Variants in FBXL13 observed in about 807,000 individuals in gnomAD.
FBXL13 encodes the protein F-box and leucine-rich repeat protein 13.
FBXL13 carries 67 observed loss-of-function variants against 83.6 expected under a neutral mutation model. That is an observed-to-expected ratio of 0.80 (90% confidence interval 0.66 to 0.98). FBXL13 has a LOEUF of 0.98. FBXL13 is among the 50% of genes least tolerant of loss of function. FBXL13 has a pLI of 0.00. For synonymous variants in FBXL13, 272 were observed against 299.5 expected (o/e 0.91, Z 0.95); for missense variants, 822 against 866.5 (o/e 0.95, Z 0.64).
chr7:102,981,176 A>C (rs1585229680), intron 6 of FBXL13, among the ~76,000 whole-genome samples: 1 of 152,220 alleles, frequency 6.6e-6, no homozygotes, highest in Non-Finnish European at 1.5e-5. Flanking sequence ...AAGCAACTAG[A>C]AAAGAAAAGT....
chr7:102,911,364 G>T (rs1166892036), intron 11 of FBXL13, among the ~76,000 whole-genome samples: 1 of 152,176 alleles, frequency 6.6e-6, no homozygotes, highest in Non-Finnish European at 1.5e-5. Context: ...CCATGAGGAG[G>T]GTTTAAGCAC....
chr7:102,973,203 T>C (rs1826944778), intron 6 of FBXL13: 1 of 230,106 alleles, frequency 4.3e-6, no homozygotes, highest in Non-Finnish European at 8.6e-6. Context: ...TGTGTTCATT[T>C]TGTTTTTGAA....
intron 6 of FBXL13, among the ~76,000 whole-genome samples, chr7:102,970,294 T>C (rs1826487130): frequency 1.3e-5 from 2 of 152,112 alleles, no homozygotes; most frequent in Admixed American, 1.3e-4. Flanking sequence ...TTTGTAACCA[T>C]ATTGACCATT....
At chr7:103,009,994 C>T (rs1167936849) in intron 6 of FBXL13, among the ~76,000 whole-genome samples, 1 of 152,230 alleles carries the variant, frequency 6.6e-6, no homozygotes, top group Non-Finnish European at 1.5e-5. Context: ...TCTGTGTGAA[C>T]TGAGCCAGAA....
chr7:102,887,517 T>C (rs1465049864), intron 11 of FBXL13, among the ~76,000 whole-genome samples: 7 of 152,126 alleles, frequency 4.6e-5, no homozygotes, highest in Non-Finnish European at 2.9e-5. Flanking sequence ...GAATTGGTCA[T>C]GTGATTGTGG....
intron 6 of FBXL13, among the ~76,000 whole-genome samples, chr7:102,984,404 G>T (rs999040852): frequency 6.6e-6 from 1 of 152,094 alleles, no homozygotes; most frequent in Non-Finnish European, 1.5e-5. Flanking sequence ...TATATATTGA[G>T]AGAGAAAGAT....
chr7:102,833,351 TCAGA>T (rs1562924046), intron 17 of FBXL13, among the ~76,000 whole-genome samples: 1 of 151,952 alleles, frequency 6.6e-6, no homozygotes, highest in Non-Finnish European at 1.5e-5. Flanking sequence ...TTCTTTGGAA[TCAGA>T]CAGACCCGAG....
At chr7:103,016,089 A>C (rs1792275008) in intron 6 of FBXL13, among the ~76,000 whole-genome samples, 1 of 152,184 alleles carries the variant, frequency 6.6e-6, no homozygotes, top group African/African-American at 2.4e-5. Context: ...TACTGCCCAA[A>C]GCAATTTACA....
intron 11 of FBXL13, among the ~76,000 whole-genome samples, chr7:102,912,547 C>A (rs1328592400): frequency 6.6e-6 from 1 of 152,126 alleles, no homozygotes; most frequent in African/African-American, 2.4e-5. Flanking sequence ...TTCCCTCAAA[C>A]TTAAAATATT....
intron 8 of FBXL13, chr7:102,934,559 GAA>G: frequency 8.5e-7 from 1 of 1,175,116 alleles, no homozygotes; most frequent in South Asian, 1.2e-5. Context: ...TAATGAAGAA[GAA>G]AAGGAACAAT....
chr7:102,940,739 C>T (rs916548510), intron 8 of FBXL13, among the ~76,000 whole-genome samples: 64 of 152,172 alleles, frequency 4.2e-4, no homozygotes, highest in African/African-American at 1.5e-3. Flanking sequence ...AAGCCTCTGG[C>T]GAAAATGAGC....
At chr7:103,018,387 C>A (rs1182026899) in intron 6 of FBXL13, among the ~76,000 whole-genome samples, 2 of 152,118 alleles carry the variant, frequency 1.3e-5, no homozygotes, top group Admixed American at 6.5e-5. Flanking sequence ...ATTGGAAAAA[C>A]CATCGATGTT....
At chr7:102,840,156 T>C (rs1054021685) in intron 17 of FBXL13, among the ~76,000 whole-genome samples, 1 of 152,200 alleles carries the variant, frequency 6.6e-6, no homozygotes, top group Non-Finnish European at 1.5e-5. Flanking sequence ...AGAATGTATA[T>C]TGGGAAAACC....
At chr7:102,894,744 A>G (rs183280795) in intron 11 of FBXL13, among the ~76,000 whole-genome samples, 51 of 150,796 alleles carry the variant, frequency 3.4e-4, no homozygotes, top group Admixed American at 1.3e-3. Context: ...AAAAAAAAAA[A>G]AGAGAGAGAG....
intron 6 of FBXL13, among the ~76,000 whole-genome samples, chr7:103,007,094 T>G (rs1791070229): frequency 6.6e-6 from 1 of 152,120 alleles, no homozygotes. Context: ...CAATGACCTA[T>G]GGGACAATAT....
intron 6 of FBXL13, among the ~76,000 whole-genome samples, chr7:102,987,516 A>G (rs1029789906): frequency 2.6e-5 from 4 of 152,296 alleles, no homozygotes; most frequent in African/African-American, 7.2e-5. Flanking sequence ...AATAGCAAAA[A>G]TCCAAGCACA....
chr7:103,060,051 T>TATATAC (rs1563286575), intron 1 of FBXL13, among the ~76,000 whole-genome samples: 1 of 110,698 alleles, frequency 9.0e-6, no homozygotes, highest in African/African-American at 4.3e-5. Flanking sequence ...TATATATATA[T>TATATAC]ATATATATAT....
At chr7:102,878,876 A>G (rs1384495275) in intron 14 of FBXL13, among the ~76,000 whole-genome samples, 1 of 152,186 alleles carries the variant, frequency 6.6e-6, no homozygotes, top group Non-Finnish European at 1.5e-5. Context: ...TACAAGGTCA[A>G]TTTGCTGGAT....
chr7:102,824,229 G>A (rs1799235587), intron 18 of FBXL13, among the ~76,000 whole-genome samples: 1 of 152,150 alleles, frequency 6.6e-6, no homozygotes, highest in African/African-American at 2.4e-5. Flanking sequence ...GCCTCATTGG[G>A]CAGATTATGT....
Sources: allele counts gnomAD v4.1 joint callset (sites outside exome capture counted in the v4.1 genomes callset), GRCh38; gene constraint gnomAD v4.1.1; transcripts MANE v1.5; gene names NCBI Gene and HGNC (gene_info 2026-07-23, HGNC 2026-07-21).